Variants in PDE1A observed in about 807,000 individuals in gnomAD.
PDE1A encodes the protein dual specificity calcium/calmodulin-dependent 3',5'-cyclic nucleotide phosphodiesterase 1A.
In PDE1A, 35 loss-of-function variants were observed where a neutral mutation model predicts 61.7. The ratio of observed to expected loss-of-function variants is 0.57; its 90% CI spans 0.43 to 0.75. The LOEUF is 0.75. Ranked by LOEUF, PDE1A falls within the 30% of genes least tolerant of loss-of-function variation. The pLI is 0.00. For missense variants in PDE1A, 597 were observed against 630.6 expected (o/e 0.95, Z 0.57); for synonymous variants, 232 against 213.2 (o/e 1.09, Z -0.77).
chr2:182,487,722 T>A (rs1375508501), intron 2 of PDE1A, among the ~76,000 whole-genome samples: 1 of 152,168 alleles, frequency 6.6e-6, no homozygotes, highest in African/African-American at 2.4e-5. Context: ...AAGGATTGCA[T>A]AACTCTAAAA....
the PDE1A span, among the ~76,000 whole-genome samples, chr2:182,654,023 G>T: frequency 2.0e-5 from 3 of 152,126 alleles, no homozygotes; most frequent in Admixed American, 2.0e-4. Flanking sequence ...AGTCCCCACA[G>T]ACTATATTTT....
Position 182,504,041 on chromosome 2 carries a change from A to G in PDE1A, c.101+18235T>C, listed in dbSNP as rs776806502. Among the ~76,000 whole-genome samples, 11 of 152,208 alleles carry G rather than the reference A, an allele frequency of 7.2e-5. 2 individuals carry two copies. In the South Asian group the frequency reaches 1.0e-3, roughly 14 times the overall value. On this transcript the variant is annotated intron_variant, in intron 2 of 14. Coordinates refer to the PDE1A transcript ENST00000410103. ...CAGTATAGTCTGGATGAATTTGGCT[A>G]TAACTTTTTTTCTGAATGACACTCA...
chr2:182,278,346 G>A (rs759842792), intron 1 of PDE1A, among the ~76,000 whole-genome samples: 3 of 151,964 alleles, frequency 2.0e-5, no homozygotes, highest in South Asian at 2.1e-4. Context: ...CAATCTGCAG[G>A]AGAAGATGAG....
intron 1 of PDE1A, among the ~76,000 whole-genome samples, chr2:182,308,450 C>T (rs554356528): frequency 1.8e-4 from 27 of 151,954 alleles, no homozygotes; most frequent in Non-Finnish European, 1.9e-4. Flanking sequence ...AATTTAAAGT[C>T]ATTGAGAAAT....
the PDE1A span, among the ~76,000 whole-genome samples, chr2:182,589,589 A>G: frequency 6.6e-6 from 1 of 152,228 alleles, no homozygotes; most frequent in Non-Finnish European, 1.5e-5. Context: ...CAGGAAAGAA[A>G]GCATTTTAGC....
the PDE1A span, among the ~76,000 whole-genome samples, chr2:182,552,594 C>T: frequency 7.9e-5 from 12 of 151,994 alleles, 1 homozygote; most frequent in South Asian, 2.1e-3. Context: ...GGAAGGTGAC[C>T]GCATCCACCT....
At chr2:182,552,358 G>A in the PDE1A span, among the ~76,000 whole-genome samples, 4 of 151,526 alleles carry the variant, frequency 2.6e-5, no homozygotes, top group African/African-American at 4.8e-5. Context: ...CATTCAGCTA[G>A]TCATCCAACA....
intron 13 of PDE1A, among the ~76,000 whole-genome samples, chr2:182,150,122 A>G (rs1199803183): frequency 6.6e-6 from 1 of 152,192 alleles, no homozygotes; most frequent in Non-Finnish European, 1.5e-5. Context: ...GGTATATAAT[A>G]AATAGATATA....
the PDE1A span, among the ~76,000 whole-genome samples, chr2:182,631,708 T>A: frequency 6.6e-6 from 1 of 152,244 alleles, no homozygotes; most frequent in Non-Finnish European, 1.5e-5. Flanking sequence ...AGTTAAAAAT[T>A]AACTGTATAT....
chr2:182,153,474 C>T (rs913992008), intron 13 of PDE1A, among the ~76,000 whole-genome samples: 2 of 152,194 alleles, frequency 1.3e-5, no homozygotes, highest in Non-Finnish European at 2.9e-5. Context: ...ATTTCTCCAT[C>T]AGAGTGTCAT....
chr2:182,493,865 C>A (rs992863272), intron 2 of PDE1A, among the ~76,000 whole-genome samples: 1 of 152,164 alleles, frequency 6.6e-6, no homozygotes, highest in African/African-American at 2.4e-5. Context: ...GTCTTGAACT[C>A]CTGGCCTCAA....
At chr2:182,572,303 CCTCTT>C in the PDE1A span, among the ~76,000 whole-genome samples, 1 of 152,100 alleles carries the variant, frequency 6.6e-6, no homozygotes, top group Non-Finnish European at 1.5e-5. Context: ...AATAATCTCT[CCTCTT>C]CTGGCAATCT....
the PDE1A span, among the ~76,000 whole-genome samples, chr2:182,698,797 C>G: frequency 6.6e-6 from 1 of 152,126 alleles, no homozygotes; most frequent in Non-Finnish European, 1.5e-5. Flanking sequence ...AAAACATAGT[C>G]TATCACCAAG....
intron 1 of PDE1A, among the ~76,000 whole-genome samples, chr2:182,330,278 A>G (rs943923195): frequency 6.6e-6 from 1 of 151,716 alleles, no homozygotes; most frequent in African/African-American, 2.4e-5. Flanking sequence ...TGGGAGGTGG[A>G]GGTTGCAGTG....
At chr2:182,442,338 C>T (rs1051758673) in intron 2 of PDE1A, among the ~76,000 whole-genome samples, 7 of 151,966 alleles carry the variant, frequency 4.6e-5, no homozygotes, top group African/African-American at 1.2e-4. Context: ...TGAAGAACCA[C>T]TCCAAATTAA....
the PDE1A span, among the ~76,000 whole-genome samples, chr2:182,643,820 G>C: frequency 1.1e-4 from 16 of 152,020 alleles, no homozygotes; most frequent in Admixed American, 8.5e-4. Context: ...CATTTGCTTT[G>C]GCACATCTAG....
chr2:182,218,924 A>G (rs1574756525), intron 7 of PDE1A, among the ~76,000 whole-genome samples: 2 of 152,116 alleles, frequency 1.3e-5, no homozygotes, highest in East Asian at 3.9e-4. Context: ...TACTCTAGAT[A>G]TATCAAAGTG....
intron 2 of PDE1A, among the ~76,000 whole-genome samples, chr2:182,471,401 C>A (rs1234493142): frequency 2.0e-5 from 3 of 151,698 alleles, no homozygotes; most frequent in Non-Finnish European, 2.9e-5. Context: ...GATGTTCTCA[C>A]AAGAAGCCCA....
chr2:182,140,112 C>G (rs1559108736), exon 15 of PDE1A: 1 of 152,208 alleles, frequency 6.6e-6, no homozygotes, highest in Non-Finnish European at 1.5e-5. Flanking sequence ...GCTCTGAAGA[C>G]AGAAGCAGTT....
Sources: gnomAD v4.1 joint callset for allele counts (sites outside exome capture counted in the v4.1 genomes callset) on GRCh38, gnomAD v4.1.1 for gene constraint, MANE v1.5 for transcripts, NCBI Gene and HGNC (gene_info 2026-07-23, HGNC 2026-07-21) for gene names.